Variants in LINGO2 observed in about 807,000 individuals in gnomAD.
LINGO2 encodes the protein leucine-rich repeat and immunoglobulin-like domain-containing nogo receptor-interacting protein 2.
Under a neutral mutation model 30.6 loss-of-function variants are expected in LINGO2, and 14 were observed. That is an observed-to-expected ratio of 0.46 (90% CI 0.30 to 0.72). The LOEUF is 0.72. Among genes scored for constraint, LINGO2 ranks in the 30% least tolerant of loss-of-function variants. The pLI is 0.07. For missense variants in LINGO2, 729 were observed against 751.7 expected, an observed-to-expected ratio of 0.97 and a Z score of 0.35; for synonymous variants, 317 against 288.5, an observed-to-expected ratio of 1.10 and a Z score of -1.00.
chr9:28,415,448 T>G (rs1387047828), intron 2 of LINGO2, among the ~76,000 whole-genome samples: 1 of 152,160 alleles, frequency 6.6e-6, no homozygotes, highest in Non-Finnish European at 1.5e-5. Context: ...TCCTAAACTC[T>G]TTACTGCAGC....
At chr9:28,069,953 G>T (rs1825424028) in intron 4 of LINGO2, among the ~76,000 whole-genome samples, 1 of 152,196 alleles carries the variant, frequency 6.6e-6, no homozygotes, top group African/African-American at 2.4e-5. Flanking sequence ...ATATACAACA[G>T]AGCAGGGGCA....
At chr9:28,038,030 A>C (rs1481224153) in intron 4 of LINGO2, among the ~76,000 whole-genome samples, 1 of 152,224 alleles carries the variant, frequency 6.6e-6, no homozygotes, top group Admixed American at 6.5e-5. Context: ...AAACAGTGGT[A>C]GTGAGTTTCA....
Position 28,272,710 on chromosome 9 carries a change from T to C in LINGO2, c.-87+22498A>G, listed in dbSNP as rs2134094520. On this transcript the variant is annotated intron_variant, in intron 4 of 5. Coordinates refer to ENST00000379992, the Ensembl canonical transcript of LINGO2. ...CAACTTCAACAAACTACAAGGCTTATAAAAACAACTTTCACAAGAATTGTT... is the reference window on the plus strand; with the variant it reads ...CAACTTCAACAAACTACAAGGCTTACAAAAACAACTTTCACAAGAATTGTT... Among the ~76,000 whole-genome samples, 2 of 152,218 alleles carry C rather than the reference T, an allele frequency of 1.3e-5. 1 individual carries two copies. The highest frequency in any genetic ancestry group is 3.9e-4 in the East Asian group (2 of 5,158).
chr9:28,255,261 T>C (rs1040730779), intron 4 of LINGO2, among the ~76,000 whole-genome samples: 1 of 152,004 alleles, frequency 6.6e-6, no homozygotes, highest in Non-Finnish European at 1.5e-5. Flanking sequence ...TATTTCGCTA[T>C]TTCTAGGTGT....
At chr9:28,837,649 AATATATATATAC>A in the LINGO2 span, among the ~76,000 whole-genome samples, 58 of 75,838 alleles carry the variant, frequency 7.6e-4, 3 homozygotes, top group Non-Finnish European at 8.2e-4. Context: ...CTCCGTCTAA[AATATATATATAC>A]ATATATATAT....
intron 4 of LINGO2, among the ~76,000 whole-genome samples, chr9:28,229,676 T>C (rs1821291188): frequency 1.3e-5 from 2 of 151,690 alleles, no homozygotes; most frequent in South Asian, 4.1e-4. Flanking sequence ...AAAAATAAAG[T>C]GATAATCAGA....
intron 1 of LINGO2, among the ~76,000 whole-genome samples, chr9:28,545,172 T>G (rs1043535793): frequency 1.1e-4 from 16 of 152,028 alleles, no homozygotes; most frequent in African/African-American, 3.9e-4. Context: ...TACATCATAT[T>G]GTATAAAGGG....
the LINGO2 span, among the ~76,000 whole-genome samples, chr9:28,794,513 C>A: frequency 6.6e-6 from 1 of 152,134 alleles, no homozygotes; most frequent in Non-Finnish European, 1.5e-5. Context: ...TAATTGCAGT[C>A]TCACCAGAGA....
chr9:28,985,310 T>C, the LINGO2 span, among the ~76,000 whole-genome samples: 6 of 152,182 alleles, frequency 3.9e-5, no homozygotes, highest in Admixed American at 2.6e-4. Flanking sequence ...TGGCTGTCAA[T>C]AGCGCTGCAG....
At chr9:28,993,039 A>G in the LINGO2 span, among the ~76,000 whole-genome samples, 14 of 152,144 alleles carry the variant, frequency 9.2e-5, 1 homozygote, top group Non-Finnish European at 1.5e-4. Context: ...GGAAATAGAG[A>G]CACAAAAAAC....
At chr9:29,173,817 T>C in the LINGO2 span, among the ~76,000 whole-genome samples, 7 of 152,214 alleles carry the variant, frequency 4.6e-5, no homozygotes, top group Non-Finnish European at 1.0e-4. Context: ...AAATATGTAA[T>C]TCATGAGAAT....
the LINGO2 span, among the ~76,000 whole-genome samples, chr9:29,125,381 C>T: frequency 1.4e-3 from 214 of 152,138 alleles, no homozygotes; most frequent in Non-Finnish European, 1.9e-3. Flanking sequence ...ACCTATGGAA[C>T]AACCCTGCAC....
the LINGO2 span, among the ~76,000 whole-genome samples, chr9:29,109,502 G>A: frequency 1.3e-5 from 2 of 152,108 alleles, no homozygotes; most frequent in Non-Finnish European, 2.9e-5. Flanking sequence ...CTATATATAA[G>A]GAGGTTTGCG....
At chr9:28,630,157 C>T (rs1408202828) in intron 1 of LINGO2, among the ~76,000 whole-genome samples, 2 of 151,684 alleles carry the variant, frequency 1.3e-5, no homozygotes, top group African/African-American at 4.8e-5. Flanking sequence ...CACATGTATA[C>T]ATATGTAACT....
intron 2 of LINGO2, among the ~76,000 whole-genome samples, chr9:28,420,674 G>GT (rs748082707): frequency 8.5e-5 from 13 of 152,122 alleles, no homozygotes; most frequent in South Asian, 6.2e-4. Context: ...CTCTATAAAA[G>GT]TAATATGACC....
At chr9:28,278,516 T>C (rs928182930) in intron 4 of LINGO2, among the ~76,000 whole-genome samples, 3 of 152,176 alleles carry the variant, frequency 2.0e-5, no homozygotes, top group South Asian at 2.1e-4. Flanking sequence ...TCAAAAATCC[T>C]AGGGCCCTTA....
chr9:28,034,873 C>T (rs1199871933), intron 4 of LINGO2, among the ~76,000 whole-genome samples: 3 of 152,146 alleles, frequency 2.0e-5, no homozygotes, highest in Non-Finnish European at 4.4e-5. Flanking sequence ...ACCAAAATAC[C>T]ATTTCAGGTA....
At chr9:29,203,016 A>G in the LINGO2 span, among the ~76,000 whole-genome samples, 4 of 152,168 alleles carry the variant, frequency 2.6e-5, no homozygotes, top group Non-Finnish European at 5.9e-5. Context: ...ATAATAGACT[A>G]AATTTTTACT....
chr9:28,877,814 T>A, the LINGO2 span, among the ~76,000 whole-genome samples: 1 of 152,020 alleles, frequency 6.6e-6, no homozygotes, highest in Non-Finnish European at 1.5e-5. Context: ...TTGATGGGGA[T>A]GGCATTGAAT....
Sources: gnomAD v4.1 joint callset for allele counts (sites outside exome capture counted in the v4.1 genomes callset) on GRCh38, gnomAD v4.1.1 for gene constraint, MANE v1.5 for transcripts, NCBI Gene and HGNC (gene_info 2026-07-23, HGNC 2026-07-21) for gene names.